The following FAM135B variants were observed in gnomAD, a reference collection of about 807,000 sequenced individuals.
FAM135B encodes family with sequence similarity 135 member B.
A neutral mutation model predicts 127.7 loss-of-function variants in FAM135B; 43 were observed. The observed-to-expected ratio is 0.34, with a 90% CI of 0.26 to 0.43. The LOEUF (loss-of-function observed/expected upper bound fraction) is 0.43, where lower values mean the gene tolerates loss of function less well. FAM135B is among the 20% of genes least tolerant of loss of function. FAM135B has a pLI of 1.00. For missense variants in FAM135B, 1,558 were observed against 1,725.6 expected (o/e 0.90, Z 1.72); for synonymous variants, 670 against 665.1 (o/e 1.01, Z -0.11).
chr8:138,191,466 C>T (rs1025062677), intron 9 of FAM135B, among the ~76,000 whole-genome samples: 1 of 152,142 alleles, frequency 6.6e-6, no homozygotes, highest in Non-Finnish European at 1.5e-5. Flanking sequence ...TTCTACTGTC[C>T]ATCCATTCAT....
chr8:138,468,117 T>A (rs1048773685), intron 1 of FAM135B, among the ~76,000 whole-genome samples: 2 of 152,236 alleles, frequency 1.3e-5, no homozygotes, highest in Non-Finnish European at 2.9e-5. Flanking sequence ...TCATCATGCC[T>A]TTCTTCAACA....
At chr8:138,304,894 G>T (rs1192526795) in intron 3 of FAM135B, among the ~76,000 whole-genome samples, 1 of 152,168 alleles carries the variant, frequency 6.6e-6, no homozygotes, top group Non-Finnish European at 1.5e-5. Flanking sequence ...CAAAAAGATG[G>T]AAGAGCCCCT....
At position 138,310,857 on chromosome 8, in the gene FAM135B, G is replaced by A. The variant is rs2130892837; in HGVS notation, c.141C>T (p.Ser47=). 6.2e-7 allele frequency: 1 copy of A among 1,613,918 alleles called. No individual in the cohort carries two copies. Among genetic ancestry groups the A allele is most frequent in the Non-Finnish European group, 8.5e-7 (1 of 1,179,930 alleles). The part of the protein sequence containing the change: ...SSRIPHRLSA[S]IAGQTESSSL... ...TCTGCTCACCTGTCTGCCCAGCGAT[G>A]GAGGCACTCAGTCTGTGGGGGATCC... Residue 47 remains serine, a synonymous_variant, in exon 3 of 20, where the codon TCC becomes TCT. Coordinates refer to ENST00000395297, the MANE Select transcript of FAM135B (RefSeq NM_015912.4).
intron 2 of FAM135B, among the ~76,000 whole-genome samples, chr8:138,319,658 T>G (rs1438928027): frequency 6.6e-6 from 1 of 152,120 alleles, no homozygotes; most frequent in African/African-American, 2.4e-5. Context: ...TAGTCATCCT[T>G]TATTGATTTC....
In FAM135B at chr8:138,337,060, C is replaced by A. The variant is rs542930869; in HGVS notation, c.78-26140G>T. The stretch of plus-strand genomic sequence containing the variant: ...AGGCCTTTGACAAAATTCAACAACC[C>A]TTCATGCTAAAAACTCTCAATAAAT... On this transcript the variant is annotated intron_variant, in intron 2 of 19. Coordinates refer to ENST00000395297, the MANE Select transcript of FAM135B (RefSeq NM_015912.4). Among the ~76,000 whole-genome samples the A allele has an allele frequency of 1.2e-3, 181 of 152,090 alleles. 1 individual carries two copies. The highest frequency in any genetic ancestry group is 4.0e-3 in the African/African-American group (166 of 41,402).
At chr8:138,456,609 A>G (rs1184299548) in intron 1 of FAM135B, among the ~76,000 whole-genome samples, 2 of 152,180 alleles carry the variant, frequency 1.3e-5, no homozygotes, top group South Asian at 2.1e-4. Context: ...AGGCAGCTCC[A>G]TCAATTCCTA....
chr8:138,380,349 A>G (rs1446170385), intron 1 of FAM135B, among the ~76,000 whole-genome samples: 1 of 152,030 alleles, frequency 6.6e-6, no homozygotes, highest in East Asian at 1.9e-4. Context: ...GGTGCCTGCC[A>G]CCACGCCTGG....
intron 6 of FAM135B, among the ~76,000 whole-genome samples, 170 bp downstream of exon 6, chr8:138,250,671 C>T (rs1563820421): frequency 1.3e-5 from 2 of 152,042 alleles, no homozygotes; most frequent in Non-Finnish European, 1.5e-5. Context: ...CCTTTGGGAC[C>T]TCCTCCTTCC....
In FAM135B at chr8:138,178,656, A is replaced by G; in HGVS notation, c.908T>C (p.Ile303Thr). Residue 303 changes from isoleucine (I) to threonine (T), a missense_variant, in exon 10 of 20, where the codon ATA becomes ACA. Around this residue, in one of 5 missense-constraint regions of FAM135B, gnomAD observed 115 missense variants for 171.1 expected, o/e 0.67. Transcript: ENST00000395297. ...CGTGAGCCAGGCCAGATCCTTGCTT[A>G]TCTGCTCAGCGATCTTCTCTGGATT... ...LNNPEKIAEQ[I>T]SKDLAWLTSH... The G allele has an allele frequency of 6.2e-7, 1 of 1,614,048 alleles. No homozygotes were observed. Among genetic ancestry groups the G allele is most frequent in the African/African-American group, 1.3e-5 (1 of 75,002 alleles).
At chr8:138,246,224 C>T (rs561620797) in intron 6 of FAM135B, among the ~76,000 whole-genome samples, 1 of 152,252 alleles carries the variant, frequency 6.6e-6, no homozygotes, top group South Asian at 2.1e-4. Flanking sequence ...CAGAAATTTG[C>T]ATAAGTAATG....
At chr8:138,378,300 T>C (rs1831612581) in intron 1 of FAM135B, among the ~76,000 whole-genome samples, 1 of 152,190 alleles carries the variant, frequency 6.6e-6, no homozygotes, top group Non-Finnish European at 1.5e-5. Context: ...TGAGACCCAC[T>C]GGGTCAGCCT....
intron 2 of FAM135B, among the ~76,000 whole-genome samples, chr8:138,334,498 A>G (rs1050252615): frequency 6.6e-6 from 1 of 152,176 alleles, no homozygotes; most frequent in African/African-American, 2.4e-5. Context: ...CATGGTATTA[A>G]GCCCAGTACC....
At chr8:138,495,611 A>G (rs1375330463) in intron 1 of FAM135B, among the ~76,000 whole-genome samples, 3 of 152,194 alleles carry the variant, frequency 2.0e-5, no homozygotes, top group African/African-American at 7.2e-5. Flanking sequence ...TCAGAGGCCT[A>G]CTTACCTACA....
At chr8:138,463,186 C>G (rs1173096383) in intron 1 of FAM135B, among the ~76,000 whole-genome samples, 1 of 152,118 alleles carries the variant, frequency 6.6e-6, no homozygotes, top group Non-Finnish European at 1.5e-5. Context: ...TGTTGCTAAG[C>G]AGGTTGGAGG....
intron 3 of FAM135B, among the ~76,000 whole-genome samples, chr8:138,277,749 G>T (rs1282619618): frequency 6.6e-6 from 1 of 152,148 alleles, no homozygotes; most frequent in Non-Finnish European, 1.5e-5. Flanking sequence ...TCCCAGAGTA[G>T]TGTGAATATT....
intron 7 of FAM135B, among the ~76,000 whole-genome samples, chr8:138,202,938 G>A (rs1177141088): frequency 2.0e-5 from 3 of 152,100 alleles, no homozygotes; most frequent in Non-Finnish European, 2.9e-5. Flanking sequence ...CCTCACTCAC[G>A]GATGGCTCCC....
chr8:138,213,542 G>A (rs1418681101), intron 7 of FAM135B, among the ~76,000 whole-genome samples: 1 of 147,576 alleles, frequency 6.8e-6, no homozygotes, highest in East Asian at 2.0e-4. Context: ...GTCTTTGACT[G>A]CTTTAAGACT....
intron 1 of FAM135B, among the ~76,000 whole-genome samples, chr8:138,376,832 T>C (rs1402158572): frequency 1.3e-5 from 2 of 152,214 alleles, no homozygotes; most frequent in African/African-American, 2.4e-5. Context: ...TCAACATAGA[T>C]GGCAGAAATT....
intron 7 of FAM135B, among the ~76,000 whole-genome samples, chr8:138,203,390 G>A (rs1256450371): frequency 6.6e-6 from 1 of 152,112 alleles, no homozygotes; most frequent in African/African-American, 2.4e-5. Context: ...TCCAGACTTC[G>A]TTCTCACTTT....
Sources: gnomAD v4.1 joint callset for allele counts (sites outside exome capture counted in the v4.1 genomes callset) on GRCh38, gnomAD v4.1.1 for gene constraint, gnomAD v4.1.1 regional missense constraint, MANE v1.5 for transcripts, NCBI Gene and HGNC (gene_info 2026-07-23, HGNC 2026-07-21) for gene names.